The following PRKCB variants were observed in gnomAD, a reference collection of about 807,000 sequenced individuals.
PRKCB encodes protein kinase C beta type.
In PRKCB, 13 loss-of-function variants were observed where a neutral mutation model predicts 81.5. That is an observed-to-expected ratio of 0.16 (90% CI 0.10 to 0.25). PRKCB has a LOEUF of 0.25. PRKCB is among the 10% of genes least tolerant of loss of function. The pLI, the probability that PRKCB is intolerant of heterozygous loss-of-function variation, is 1.00. For synonymous variants in PRKCB, 335 were observed against 321.4 expected (o/e 1.04, Z -0.45); for missense variants, 509 against 875.7 (o/e 0.58, Z 5.29).
chr16:24,093,371 C>A (rs8049200), intron 6 of PRKCB, among the ~76,000 whole-genome samples: 8,394 of 152,206 alleles, frequency 0.055, 680 homozygotes, highest in African/African-American at 0.18. Context: ...CCACCAGCCT[C>A]CCTTGAGGGT....
At chr16:23,983,135 C>G (rs1240733954) in intron 2 of PRKCB, among the ~76,000 whole-genome samples, 2 of 147,358 alleles carry the variant, frequency 1.4e-5, no homozygotes, top group Non-Finnish European at 3.0e-5. Context: ...AAACAGAAAA[C>G]AAAAACTGGT....
At chr16:24,021,013 T>TTTCTTTCC (rs1965360915) in intron 3 of PRKCB, among the ~76,000 whole-genome samples, 1 of 137,506 alleles carries the variant, frequency 7.3e-6, no homozygotes, top group Admixed American at 7.3e-5. Context: ...TCTTTCTTTC[T>TTTCTTTCC]TTCTTTCTTT....
intron 5 of PRKCB, among the ~76,000 whole-genome samples, chr16:24,058,088 C>T (rs1290709815): frequency 1.3e-5 from 2 of 152,158 alleles, no homozygotes; most frequent in East Asian, 3.9e-4. Flanking sequence ...AAATATTTTT[C>T]CTTCCTTCTT....
rs1967691248 is a variant in PRKCB, at chr16:24,185,578, C to A, written c.1722+11C>A. ...GCCATCTGCAAAGGGGTAAGTGCAT[C>A]TCTTAAAGCTGTGACCAGGACCACC... On this transcript the variant is annotated intron_variant, in intron 15 of 16. Transcript: ENST00000643927. 1.9e-6 allele frequency: 3 copies of A among 1,603,504 alleles called. No individual in the cohort carries two copies. Among genetic ancestry groups the A allele is most frequent in the East Asian group, 4.5e-5 (2 of 44,818 alleles).
At chr16:24,162,442 CTTTTTTTTTTTTT>C (rs564543744) in intron 10 of PRKCB, among the ~76,000 whole-genome samples, 3 of 68,602 alleles carry the variant, frequency 4.4e-5, no homozygotes, top group Non-Finnish European at 9.0e-5. Flanking sequence ...ACAGAGAAGA[CTTTTTTTTTTTTT>C]TTTTTTTTTT....
At chr16:24,146,800 T>C (rs1474136896) in intron 9 of PRKCB, among the ~76,000 whole-genome samples, 1 of 152,198 alleles carries the variant, frequency 6.6e-6, no homozygotes, top group African/African-American at 2.4e-5. Context: ...ACACATCCTT[T>C]CAGTCTGTTT....
intron 8 of PRKCB, among the ~76,000 whole-genome samples, chr16:24,116,486 C>T (rs1004258657): frequency 6.6e-6 from 1 of 152,160 alleles, no homozygotes; most frequent in African/African-American, 2.4e-5. Flanking sequence ...ACCCGACATG[C>T]TGGAAGATAG....
At chr16:24,082,414 A>G (rs1436262225) in intron 5 of PRKCB, among the ~76,000 whole-genome samples, 1 of 152,236 alleles carries the variant, frequency 6.6e-6, no homozygotes, top group Non-Finnish European at 1.5e-5. Context: ...ACAATTCTTA[A>G]GATGAAGAAT....
At chr16:24,114,778 C>T (rs1217354876) in intron 8 of PRKCB, among the ~76,000 whole-genome samples, 1 of 151,732 alleles carries the variant, frequency 6.6e-6, no homozygotes, top group Non-Finnish European at 1.5e-5. Context: ...ACTAACTCCC[C>T]AAAAATGTAT....
In PRKCB at chr16:24,181,789, A is replaced by AAAG. The variant is rs1555501114; in HGVS notation, c.1533+870_1533+872dup. Among the ~76,000 whole-genome samples, 206 of 138,710 alleles carry AAAG rather than the reference A, an allele frequency of 1.5e-3. 1 individual carries two copies. The highest frequency in any genetic ancestry group is 7.9e-3 in the Middle Eastern group (2 of 252). 91.0% of individuals were successfully genotyped at this position (138,710 alleles called of 152,430 possible). A position where few individuals can be genotyped will look rare whatever the true frequency, so the allele number is the denominator to read the frequency against. ...CCTGTCTCAAAAAAAAAAAAAAAAA[A>AAAG]AAGAAGAAGAATGACAAATAACACT... On this transcript the variant is annotated intron_variant, in intron 13 of 16. Coordinates refer to ENST00000643927, the MANE Select transcript of PRKCB (RefSeq NM_002738.7).
At chr16:24,158,594 ATGTG>A (rs1338870419) in intron 10 of PRKCB, among the ~76,000 whole-genome samples, 1 of 150,994 alleles carries the variant, frequency 6.6e-6, no homozygotes, top group Non-Finnish European at 1.5e-5. Context: ...GTATATGTAT[ATGTG>A]TGTGTATGTG....
chr16:23,883,511 C>A (rs754626281), intron 2 of PRKCB, among the ~76,000 whole-genome samples: 15 of 152,104 alleles, frequency 9.9e-5, no homozygotes, highest in Non-Finnish European at 1.8e-4. Context: ...AGGCGAGATG[C>A]AAAGGATCAG....
At chr16:24,061,122 A>G (rs1054300745) in intron 5 of PRKCB, among the ~76,000 whole-genome samples, 1 of 151,748 alleles carries the variant, frequency 6.6e-6, no homozygotes, top group Non-Finnish European at 1.5e-5. Context: ...GTGCAGTGGC[A>G]TGATCTTGGC....
chr16:23,922,582 A>G (rs1963841967), intron 2 of PRKCB, among the ~76,000 whole-genome samples: 1 of 152,228 alleles, frequency 6.6e-6, no homozygotes, highest in African/African-American at 2.4e-5. Context: ...GCTATGATAC[A>G]TCTTGGAAAT....
At chr16:24,181,612 C>G (rs961103646) in intron 13 of PRKCB, among the ~76,000 whole-genome samples, 4 of 151,596 alleles carry the variant, frequency 2.6e-5, no homozygotes, top group East Asian at 1.9e-4. Context: ...ACAAAAAATA[C>G]AAAAATTAGC....
chr16:23,916,197 G>A (rs199569223), intron 2 of PRKCB, among the ~76,000 whole-genome samples: 2 of 150,854 alleles, frequency 1.3e-5, no homozygotes, highest in Non-Finnish European at 2.9e-5. Context: ...GGGACTACAG[G>A]TGCATGCCAC....
chr16:23,869,966 G>C (rs59787753), intron 2 of PRKCB, among the ~76,000 whole-genome samples: 1,798 of 151,470 alleles, frequency 0.012, 27 homozygotes, highest in African/African-American at 0.042. Context: ...AGGTTGCGGT[G>C]AGCCGAGATC....
At chr16:23,867,004 C>T (rs1404358446) in intron 2 of PRKCB, among the ~76,000 whole-genome samples, 8 of 65,964 alleles carry the variant, frequency 1.2e-4, no homozygotes, top group Non-Finnish European at 2.1e-4. Flanking sequence ...TCCCTTCCTT[C>T]CTTCCTTCCT....
At position 24,217,323 on chromosome 16, in the gene PRKCB, C is replaced by T. The variant is rs1370069338; in HGVS notation, c.*2507C>T. The T allele has an allele frequency of 1.0e-6, 1 of 985,270 alleles. No individual in the cohort carries two copies. The highest frequency in any genetic ancestry group is 1.7e-5 in the African/African-American group (1 of 57,210). The allele number at this position is 985,270 out of a possible 1,614,324, so 61.0% of individuals were successfully genotyped here. ...TTCCATGGAAAGTCAGAATTTCTACCACTTCCTTTTCTATCCACATTTCCA... is the reference window on the plus strand; with the variant it reads ...TTCCATGGAAAGTCAGAATTTCTACTACTTCCTTTTCTATCCACATTTCCA... On this transcript the variant is annotated 3_prime_UTR_variant, in exon 17 of 17. Coordinates refer to ENST00000643927, the MANE Select transcript of PRKCB (RefSeq NM_002738.7).
Sources: gnomAD v4.1 joint callset for allele counts (sites outside exome capture counted in the v4.1 genomes callset) on GRCh38, gnomAD v4.1.1 for gene constraint, MANE v1.5 for transcripts, NCBI Gene and HGNC (gene_info 2026-07-23, HGNC 2026-07-21) for gene names.